Variants in PRKACB observed in about 807,000 individuals in gnomAD.
PRKACB encodes the protein protein kinase cAMP-activated catalytic subunit beta, also known as cAMP-dependent protein kinase catalytic subunit beta.
In PRKACB, 16 loss-of-function variants were observed where a neutral mutation model predicts 51.4. The ratio of observed to expected loss-of-function variants is 0.31; its 90% CI spans 0.21 to 0.47. The LOEUF (loss-of-function observed/expected upper bound fraction) is 0.47, where lower values mean the gene tolerates loss of function less well. PRKACB is among the 20% of genes least tolerant of loss of function. The pLI is 1.00. For missense variants in PRKACB, 309 were observed against 464.5 expected, an observed-to-expected ratio of 0.67 and a Z score of 3.08; for synonymous variants, 147 against 154.4, an observed-to-expected ratio of 0.95 and a Z score of 0.35.
At chr1:84,180,305 A>G (rs1408494482) in intron 2 of PRKACB, among the ~76,000 whole-genome samples, 1 of 149,646 alleles carries the variant, frequency 6.7e-6, no homozygotes, top group Non-Finnish European at 1.5e-5. Flanking sequence ...AGTGAAGTGA[A>G]AGTAACTCAG....
At chr1:84,107,656 C>A (rs1211875540) in intron 1 of PRKACB, among the ~76,000 whole-genome samples, 5 of 151,968 alleles carry the variant, frequency 3.3e-5, no homozygotes, top group Non-Finnish European at 7.4e-5. Context: ...AAGCAAACAG[C>A]CCTATTAAAA....
intron 2 of PRKACB, among the ~76,000 whole-genome samples, chr1:84,179,634 T>C (rs1662527236): frequency 6.6e-6 from 1 of 151,962 alleles, no homozygotes; most frequent in Non-Finnish European, 1.5e-5. Flanking sequence ...ACAACATCCC[T>C]GATACACAGG....
At chr1:84,156,926 C>T (rs910101444) in intron 1 of PRKACB, among the ~76,000 whole-genome samples, 3 of 152,096 alleles carry the variant, frequency 2.0e-5, no homozygotes, top group African/African-American at 7.2e-5. Flanking sequence ...GCTTTACCTG[C>T]CTGGCCTCTG....
intron 1 of PRKACB, among the ~76,000 whole-genome samples, chr1:84,125,787 T>A (rs958553048): frequency 4.2e-4 from 64 of 152,338 alleles, no homozygotes; most frequent in African/African-American, 1.5e-3. Flanking sequence ...CAGACTCATA[T>A]TCAGCTATCT....
chr1:84,143,459 T>C (rs984670914), upstream of PRKACB, among the ~76,000 whole-genome samples: 7 of 150,618 alleles, frequency 4.6e-5, no homozygotes, highest in Middle Eastern at 3.4e-3. Context: ...TAAAAAAAAA[T>C]AGAGAGGTGT....
intron 1 of PRKACB, chr1:84,175,017 AT>A: frequency 4.1e-6 from 6 of 1,470,582 alleles, no homozygotes; most frequent in East Asian, 5.3e-5. Context: ...TTTCTAATTT[AT>A]TTTTTGGACA....
chr1:84,180,070 G>A (rs1271024658), intron 2 of PRKACB, among the ~76,000 whole-genome samples: 5 of 146,216 alleles, frequency 3.4e-5, no homozygotes, highest in Admixed American at 6.9e-5. Flanking sequence ...AAAAGAGGTC[G>A]TTATTTGAAA....
chr1:84,118,291 A>G (rs1650792303), intron 1 of PRKACB, among the ~76,000 whole-genome samples: 1 of 151,974 alleles, frequency 6.6e-6, no homozygotes, highest in Non-Finnish European at 1.5e-5. Context: ...GTTCTTTCCT[A>G]GATGTTCTAT....
At chr1:84,133,185 C>T (rs1366543019) in intron 1 of PRKACB, among the ~76,000 whole-genome samples, 1 of 151,968 alleles carries the variant, frequency 6.6e-6, no homozygotes, top group Middle Eastern at 3.2e-3. Flanking sequence ...AGAATTATGG[C>T]AGACTTCTCA....
At chr1:84,153,684 C>T (rs1002962560) in intron 1 of PRKACB, among the ~76,000 whole-genome samples, 2 of 152,106 alleles carry the variant, frequency 1.3e-5, no homozygotes, top group Non-Finnish European at 2.9e-5. Flanking sequence ...TCTGTGTCTG[C>T]CTTATTTCAC....
intron 1 of PRKACB, among the ~76,000 whole-genome samples, chr1:84,122,055 G>T (rs530508840): frequency 1.3e-5 from 2 of 152,172 alleles, no homozygotes; most frequent in African/African-American, 4.8e-5. Flanking sequence ...TACATGTTAA[G>T]TCTCTGAGTG....
intron 5 of PRKACB, among the ~76,000 whole-genome samples, chr1:84,195,912 CAA>C (rs34855463): frequency 0.02 from 2,761 of 135,036 alleles, 21 homozygotes; most frequent in Middle Eastern, 0.033. Flanking sequence ...GACTGTGTCT[CAA>C]AAAAAAAAAA....
intron 1 of PRKACB, among the ~76,000 whole-genome samples, chr1:84,173,914 C>T (rs1416144359): frequency 2.0e-5 from 3 of 151,760 alleles, no homozygotes; most frequent in African/African-American, 7.2e-5. Context: ...TAGCCCTGTT[C>T]CTTATTCCCT....
chr1:84,155,404 G>T (rs1655371396), intron 1 of PRKACB, among the ~76,000 whole-genome samples: 1 of 152,144 alleles, frequency 6.6e-6, no homozygotes, highest in Non-Finnish European at 1.5e-5. Context: ...AATGTTTATG[G>T]ATCTGAAGAA....
intron 1 of PRKACB, among the ~76,000 whole-genome samples, chr1:84,151,975 A>G (rs539464551): frequency 1.2e-4 from 18 of 152,310 alleles, no homozygotes; most frequent in Admixed American, 5.9e-4. Flanking sequence ...AAGGTTTTCA[A>G]TTTACTTTGC....
At chr1:84,114,569 C>T (rs749288135) in intron 1 of PRKACB, among the ~76,000 whole-genome samples, 28 of 151,968 alleles carry the variant, frequency 1.8e-4, no homozygotes, top group Non-Finnish European at 3.7e-4. Flanking sequence ...CACCCAAGTA[C>T]AATATACTTT....
chr1:84,164,179 T>C, intron 1 of PRKACB: 1 of 1,046,148 alleles, frequency 9.6e-7, no homozygotes, highest in African/African-American at 1.6e-5. Flanking sequence ...TATTATTCTC[T>C]TCCATAACAC....
intron 3 of PRKACB, among the ~76,000 whole-genome samples, chr1:84,183,397 GT>G (rs996103838): frequency 7.3e-5 from 11 of 151,606 alleles, no homozygotes; most frequent in Non-Finnish European, 1.2e-4. Flanking sequence ...TATAAAGATA[GT>G]TTTTTCCCCA....
At chr1:84,096,100 A>G (rs563571212) in intron 1 of PRKACB, among the ~76,000 whole-genome samples, 5 of 151,900 alleles carry the variant, frequency 3.3e-5, no homozygotes, top group Non-Finnish European at 5.9e-5. Context: ...GTGTTGATCC[A>G]TCAACAATTA....
Sources: gnomAD v4.1 joint callset for allele counts (sites outside exome capture counted in the v4.1 genomes callset) on GRCh38, gnomAD v4.1.1 for gene constraint, MANE v1.5 for transcripts, NCBI Gene and HGNC (gene_info 2026-07-23, HGNC 2026-07-21) for gene names.